Variants in KCNIP4 observed in about 807,000 individuals in gnomAD.
KCNIP4 encodes the protein Kv channel-interacting protein 4.
KCNIP4 carries 12 observed loss-of-function variants against 34.0 expected under a neutral mutation model. The observed-to-expected ratio is 0.35, with a 90% CI of 0.23 to 0.57. KCNIP4 has a LOEUF of 0.57. KCNIP4 is among the 20% of genes least tolerant of loss of function. KCNIP4 has a pLI of 0.83. For missense variants in KCNIP4, 238 were observed against 311.7 expected (o/e 0.76, Z 1.78); for synonymous variants, 124 against 102.2 (o/e 1.21, Z -1.29).
rs184340751 is a variant in KCNIP4, at chr4:20,900,360, T to C, written c.62-17651A>G. Reference sequence around the variant, plus strand: ...TCTGAAAACTAACGGAGTGTGTACATTAACCTGGTAGATTACTAAGGCCAC... The same window carrying C: ...TCTGAAAACTAACGGAGTGTGTACACTAACCTGGTAGATTACTAAGGCCAC... On this transcript the variant is annotated intron_variant, in intron 1 of 8. Coordinates refer to ENST00000382152, the MANE Select transcript of KCNIP4 (RefSeq NM_025221.6). Among the ~76,000 whole-genome samples the C allele has an allele frequency of 4.1e-3, 628 of 152,292 alleles. 3 individuals are homozygous for C. Among genetic ancestry groups the C allele is most frequent in the Admixed American group, 9.3e-3 (142 of 15,290 alleles).
intron 1 of KCNIP4, among the ~76,000 whole-genome samples, chr4:21,040,065 A>C (rs562658062): frequency 6.6e-6 from 1 of 152,106 alleles, no homozygotes. Context: ...AAACCATCAG[A>C]TCTCATGAGA....
intron 1 of KCNIP4, among the ~76,000 whole-genome samples, chr4:21,318,384 ATAAT>A (rs1185221185): frequency 1.3e-5 from 2 of 152,174 alleles, no homozygotes; most frequent in Non-Finnish European, 2.9e-5. Context: ...AGCAATCCTA[ATAAT>A]TAATTTCTTG....
rs559045151 is a variant in KCNIP4 at position 20,905,722 on chromosome 4, G to A, written c.62-23013C>T. Among the ~76,000 whole-genome samples, 83 of 151,320 alleles carry A rather than the reference G, an allele frequency of 5.5e-4. 2 individuals are homozygous for A. The South Asian group carries it at 0.017, about 31-fold the overall frequency. On this transcript the variant is annotated intron_variant, in intron 1 of 8. Transcript: ENST00000382152. ...TTTAAAGTAGAGATGGGGTTTCACTGTATTGGCTGGGCTGGTCTCAAACTC... is the reference window on the plus strand; with the variant it reads ...TTTAAAGTAGAGATGGGGTTTCACTATATTGGCTGGGCTGGTCTCAAACTC...
chr4:21,102,445 A>G (rs1156534001), intron 1 of KCNIP4, among the ~76,000 whole-genome samples: 2 of 152,204 alleles, frequency 1.3e-5, no homozygotes, highest in African/African-American at 2.4e-5. Context: ...GAAGATAATG[A>G]GGCCAGCCTT....
chr4:21,653,690 G>A (rs1049541064), intron 1 of KCNIP4, among the ~76,000 whole-genome samples: 1 of 152,196 alleles, frequency 6.6e-6, no homozygotes, highest in African/African-American at 2.4e-5. Flanking sequence ...GCTGTGCATA[G>A]CACTTTACTT....
At chr4:21,495,822 T>C (rs1732802745) in intron 1 of KCNIP4, among the ~76,000 whole-genome samples, 1 of 152,194 alleles carries the variant, frequency 6.6e-6, no homozygotes, top group Non-Finnish European at 1.5e-5. Flanking sequence ...TCAATCAAAA[T>C]ATCATTTCAG....
At chr4:21,428,300 G>C (rs1026926579) in intron 1 of KCNIP4, among the ~76,000 whole-genome samples, 4 of 152,198 alleles carry the variant, frequency 2.6e-5, no homozygotes, top group African/African-American at 9.7e-5. Flanking sequence ...CTTTTTAAAT[G>C]TAATGTCTTG....
At chr4:21,086,628 G>A (rs1409324786) in intron 1 of KCNIP4, among the ~76,000 whole-genome samples, 1 of 152,092 alleles carries the variant, frequency 6.6e-6, no homozygotes, top group Non-Finnish European at 1.5e-5. Context: ...TCCAAGATGT[G>A]TTTGTACCAT....
intron 1 of KCNIP4, among the ~76,000 whole-genome samples, chr4:21,400,492 C>CTTCT (rs1577304064): frequency 6.9e-6 from 1 of 144,448 alleles, no homozygotes. Context: ...CCTCTCCTCT[C>CTTCT]CCCTCCCTTC....
intron 1 of KCNIP4, among the ~76,000 whole-genome samples, chr4:21,574,508 A>G (rs1740593716): frequency 6.6e-6 from 1 of 152,132 alleles, no homozygotes; most frequent in African/African-American, 2.4e-5. Context: ...CGGAGTCCTT[A>G]TATACTTACA....
intron 1 of KCNIP4, among the ~76,000 whole-genome samples, chr4:21,400,525 CTTCTCTTCTCTTCTCTTCT>C (rs1723437824): frequency 1.0e-4 from 4 of 38,856 alleles, no homozygotes; most frequent in Non-Finnish European, 1.6e-4. Context: ...CTTCTCTTCT[CTTCTCTTCTCTTCTCTTCT>C]CTTCTCTTCT....
At chr4:20,834,921 C>T (rs2149463044) in intron 3 of KCNIP4, among the ~76,000 whole-genome samples, 1 of 152,310 alleles carries the variant, frequency 6.6e-6, no homozygotes, top group Non-Finnish European at 1.5e-5. Flanking sequence ...TGGTTCTCAT[C>T]TTAGTTTACT....
chr4:21,417,384 A>T (rs1331074291), intron 1 of KCNIP4, among the ~76,000 whole-genome samples: 6 of 151,796 alleles, frequency 4.0e-5, no homozygotes, highest in African/African-American at 1.2e-4. Context: ...TAAGAAGATT[A>T]AAAAAAATAA....
chr4:20,943,216 G>A (rs576340913), intron 1 of KCNIP4, among the ~76,000 whole-genome samples: 1 of 152,240 alleles, frequency 6.6e-6, no homozygotes, highest in African/African-American at 2.4e-5. Context: ...GGAATTCAGT[G>A]ATGCTATAAT....
chr4:21,685,617 T>C (rs1386857470), intron 1 of KCNIP4, among the ~76,000 whole-genome samples: 2 of 152,124 alleles, frequency 1.3e-5, no homozygotes, highest in African/African-American at 2.4e-5. Context: ...CTTGAATAAC[T>C]CAGGTCCAGT....
At chr4:21,316,990 C>T (rs1713833021) in intron 1 of KCNIP4, among the ~76,000 whole-genome samples, 1 of 152,032 alleles carries the variant, frequency 6.6e-6, no homozygotes, top group Non-Finnish European at 1.5e-5. Context: ...TCTTTAGGTA[C>T]CCAAAAATGC....
At chr4:21,000,578 G>C (rs960834989) in intron 1 of KCNIP4, among the ~76,000 whole-genome samples, 6 of 151,972 alleles carry the variant, frequency 3.9e-5, no homozygotes, top group African/African-American at 1.4e-4. Context: ...CCAGCTACTA[G>C]GGAGGCTGAG....
chr4:21,384,846 G>A (rs1239495583), intron 1 of KCNIP4, among the ~76,000 whole-genome samples: 1 of 152,174 alleles, frequency 6.6e-6, no homozygotes, highest in Non-Finnish European at 1.5e-5. Flanking sequence ...GAGCTCCCTG[G>A]GGAGAAGGCA....
chr4:21,135,594 T>A (rs1227998014), intron 1 of KCNIP4, among the ~76,000 whole-genome samples: 1 of 152,230 alleles, frequency 6.6e-6, no homozygotes, highest in South Asian at 2.1e-4. Flanking sequence ...TAAAATGTTA[T>A]CTTAATCCTA....
Sources: allele counts gnomAD v4.1 joint callset (sites outside exome capture counted in the v4.1 genomes callset), GRCh38; gene constraint gnomAD v4.1.1; transcripts MANE v1.5; gene names NCBI Gene and HGNC (gene_info 2026-07-23, HGNC 2026-07-21).